SHC4: variants seen among roughly 807,000 people sequenced by gnomAD.
SHC4 encodes the protein SHC-transforming protein 4.
SHC4 carries 41 observed loss-of-function variants against 69.4 expected under a neutral mutation model. The observed-to-expected ratio is 0.59, with a 90% CI of 0.46 to 0.77. The LOEUF (loss-of-function observed/expected upper bound fraction) is 0.77, where lower values mean the gene tolerates loss of function less well. Among genes scored for constraint, SHC4 ranks in the 30% least tolerant of loss-of-function variants. SHC4 has a pLI of 0.00. For synonymous variants in SHC4, 318 were observed against 299.3 expected, an observed-to-expected ratio of 1.06 and a Z score of -0.64; for missense variants, 777 against 783.8, an observed-to-expected ratio of 0.99 and a Z score of 0.10.
chr15:48,834,604 C>A (rs1898865404), intron 11 of SHC4, among the ~76,000 whole-genome samples, 165 bp downstream of exon 11: 1 of 152,146 alleles, frequency 6.6e-6, no homozygotes, highest in Non-Finnish European at 1.5e-5. Flanking sequence ...CCTACTCTAA[C>A]CCCTCCACTA....
chr15:48,947,915 G>A (rs1175497895), intron 1 of SHC4: 3 of 152,180 alleles, frequency 2.0e-5, no homozygotes, highest in African/African-American at 7.2e-5. Flanking sequence ...GTCTTCAGCT[G>A]ATAAAAATGT....
intron 1 of SHC4, among the ~76,000 whole-genome samples, chr15:48,933,532 A>G (rs909602873): frequency 1.3e-5 from 2 of 152,180 alleles, no homozygotes; most frequent in African/African-American, 4.8e-5. Flanking sequence ...CAGAATCCCT[A>G]TCAAAATCTC....
intron 6 of SHC4, among the ~76,000 whole-genome samples, chr15:48,859,398 T>C (rs1721249023): frequency 6.6e-6 from 1 of 151,750 alleles, no homozygotes; most frequent in South Asian, 2.1e-4. Flanking sequence ...CAAATCTTCA[T>C]TCTTATAAAG....
intron 2 of SHC4, among the ~76,000 whole-genome samples, chr15:48,913,585 G>C (rs1461873928): frequency 6.6e-6 from 1 of 152,170 alleles, no homozygotes; most frequent in African/African-American, 2.4e-5. Flanking sequence ...TCTGAGCACA[G>C]GATTTGTGCC....
intron 2 of SHC4, among the ~76,000 whole-genome samples, chr15:48,906,525 T>C (rs1348868901): frequency 6.6e-6 from 1 of 151,892 alleles, no homozygotes; most frequent in African/African-American, 2.4e-5. Flanking sequence ...CCCTTCTCAA[T>C]ACAGGATTAC....
At chr15:48,882,541 G>A (rs752409045) in intron 4 of SHC4, among the ~76,000 whole-genome samples, 5 of 152,174 alleles carry the variant, frequency 3.3e-5, no homozygotes, top group Non-Finnish European at 7.4e-5. Context: ...AGGGGAAAGA[G>A]AGGCTGAGAA....
intron 2 of SHC4, among the ~76,000 whole-genome samples, chr15:48,911,903 T>A (rs1389225117): frequency 2.0e-5 from 3 of 152,198 alleles, no homozygotes; most frequent in African/African-American, 7.2e-5. Flanking sequence ...TTGTTTTGTT[T>A]GAGGAGGCTG....
At chr15:48,905,433 G>A (rs181623043) in intron 2 of SHC4, among the ~76,000 whole-genome samples, 3 of 152,294 alleles carry the variant, frequency 2.0e-5, no homozygotes, top group Admixed American at 1.3e-4. Flanking sequence ...CCATTCAACT[G>A]CAGCTTCTGT....
intron 1 of SHC4, among the ~76,000 whole-genome samples, chr15:48,941,420 C>T (rs1595765195): frequency 1.3e-5 from 2 of 152,110 alleles, no homozygotes; most frequent in Admixed American, 6.6e-5. Context: ...AACCGGTAAG[C>T]ATAGTACTTT....
intron 11 of SHC4, among the ~76,000 whole-genome samples, chr15:48,833,501 A>G (rs1230653363): frequency 6.6e-6 from 1 of 152,084 alleles, no homozygotes; most frequent in Non-Finnish European, 1.5e-5. Context: ...TTCTGGACAC[A>G]CTTCACTCCC....
chr15:48,932,591 C>T (rs772939474), intron 1 of SHC4, among the ~76,000 whole-genome samples: 8 of 152,130 alleles, frequency 5.3e-5, no homozygotes, highest in Non-Finnish European at 8.8e-5. Context: ...TTTGCTCCTC[C>T]CTCTTGAAAT....
chr15:48,940,424 C>T (rs942503207), intron 1 of SHC4, among the ~76,000 whole-genome samples: 4 of 152,096 alleles, frequency 2.6e-5, no homozygotes, highest in South Asian at 2.1e-4. Context: ...CCTAGGATGT[C>T]GAGTTTCAGT....
At chr15:48,847,957 G>A (rs1325470705) in intron 9 of SHC4, among the ~76,000 whole-genome samples, 4 of 149,350 alleles carry the variant, frequency 2.7e-5, no homozygotes, top group Admixed American at 1.3e-4. Context: ...AGCCGAGATG[G>A]CGCCATTGCA....
chr15:48,954,769 G>A (rs552543806), intron 1 of SHC4, among the ~76,000 whole-genome samples: 13 of 152,244 alleles, frequency 8.5e-5, no homozygotes, highest in Non-Finnish European at 1.0e-4. Flanking sequence ...TGAGTTTTCG[G>A]CCCAGAGGCA....
At chr15:48,881,787 C>A (rs1194342131) in intron 4 of SHC4, among the ~76,000 whole-genome samples, 1 of 152,130 alleles carries the variant, frequency 6.6e-6, no homozygotes, top group African/African-American at 2.4e-5. Context: ...ATACCTATAA[C>A]TTACCCTTGC....
chr15:48,922,163 A>T (rs955119074), intron 2 of SHC4, among the ~76,000 whole-genome samples: 8 of 152,196 alleles, frequency 5.3e-5, no homozygotes, highest in Admixed American at 5.2e-4. Flanking sequence ...CTGAAAGTAG[A>T]TTGCTTATTT....
At chr15:48,830,916 G>A (rs969647353) in intron 11 of SHC4, among the ~76,000 whole-genome samples, 1 of 152,184 alleles carries the variant, frequency 6.6e-6, no homozygotes, top group African/African-American at 2.4e-5. Flanking sequence ...CTCCATGCAA[G>A]TTATTGCTCC....
Position 48,878,359 on chromosome 15 carries a change from G to C in SHC4, c.840+5889C>G, listed in dbSNP as rs543988670. On this transcript the variant is annotated intron_variant, in intron 4 of 11. Transcript: ENST00000332408. ...AGGAGGAAGGCCCAATGGAGGAGGA[G>C]GAGGCCCAGCCAATGGCGGCGCCAG... is the stretch of plus-strand genomic sequence containing the variant. The C allele has an allele frequency of 4.3e-6, 7 of 1,613,450 alleles. No homozygotes were observed. The African/African-American group carries it at 8.0e-5, about 18-fold the overall frequency.
At chr15:48,942,515 GA>G (rs569099492) in intron 1 of SHC4, among the ~76,000 whole-genome samples, 2 of 151,334 alleles carry the variant, frequency 1.3e-5, no homozygotes, top group Non-Finnish European at 2.9e-5. Flanking sequence ...TAGCTAAGGA[GA>G]AAAAAAGGGC....
Sources: allele counts gnomAD v4.1 joint callset (sites outside exome capture counted in the v4.1 genomes callset), GRCh38; gene constraint gnomAD v4.1.1; transcripts MANE v1.5; gene names NCBI Gene and HGNC (gene_info 2026-07-23, HGNC 2026-07-21).